PRKCZ: variants seen among roughly 807,000 people sequenced by gnomAD.
The protein encoded by PRKCZ is protein kinase C zeta, also known as protein kinase C zeta type.
Under a neutral mutation model 79.5 loss-of-function variants are expected in PRKCZ, and 33 were observed. The observed-to-expected ratio is 0.41, with a 90% confidence interval of 0.31 to 0.55. The LOEUF (loss-of-function observed/expected upper bound fraction) is 0.55, where lower values mean the gene tolerates loss of function less well. Among genes scored for constraint, PRKCZ ranks in the 20% least tolerant of loss-of-function variants. PRKCZ has a pLI of 0.19. For missense variants in PRKCZ, 578 were observed against 813.5 expected (o/e 0.71, Z 3.52); for synonymous variants, 342 against 320.9 (o/e 1.07, Z -0.70).
At chr1:2,054,813 A>G (rs148023796) in intron 1 of PRKCZ, among the ~76,000 whole-genome samples, 1,943 of 152,092 alleles carry the variant, frequency 0.013, 17 homozygotes, top group Non-Finnish European at 0.021. Context: ...AACTTGAACG[A>G]GTGCCCGACC....
At chr1:2,116,607 T>G (rs1322203181) in intron 4 of PRKCZ, among the ~76,000 whole-genome samples, 1 of 152,198 alleles carries the variant, frequency 6.6e-6, no homozygotes, top group Admixed American at 6.5e-5. Context: ...CCTGGCTGTG[T>G]GTGGGGCCTC....
intron 4 of PRKCZ, among the ~76,000 whole-genome samples, chr1:2,110,213 G>A (rs1211845138): frequency 1.4e-5 from 2 of 146,696 alleles, no homozygotes; most frequent in African/African-American, 5.1e-5. Flanking sequence ...GGCTGAATCC[G>A]GGGCCCTCCC....
At chr1:2,137,440 C>T (rs1201636635) in intron 5 of PRKCZ, among the ~76,000 whole-genome samples, 1 of 152,206 alleles carries the variant, frequency 6.6e-6, no homozygotes, top group Admixed American at 6.5e-5. Context: ...AGGCATCCTT[C>T]AACCCAGTCA....
rs987267107 is a variant in PRKCZ at position 2,057,144 on chromosome 1, A to G, written c.283+571A>G. Reference sequence around the variant, plus strand: ...CGCGGCGCATGTGGACAGAGGGGACAGCCCCACCAGCCACCTCACCTGCCC... The same window carrying G: ...CGCGGCGCATGTGGACAGAGGGGACGGCCCCACCAGCCACCTCACCTGCCC... On this transcript the variant is annotated intron_variant, in intron 3 of 17. Transcript: ENST00000378567. Among the ~76,000 whole-genome samples the G allele has an allele frequency of 2.6e-5, 4 of 152,238 alleles. No homozygotes were observed. In the South Asian group the frequency reaches 8.3e-4, roughly 31 times the overall value.
At chr1:2,138,745 G>A (rs1223034489) in intron 5 of PRKCZ, among the ~76,000 whole-genome samples, 1 of 152,138 alleles carries the variant, frequency 6.6e-6, no homozygotes, top group Admixed American at 6.5e-5. Flanking sequence ...GATCCATCTG[G>A]CCAACATGGT....
chr1:2,069,615 C>A (rs2102294303), intron 4 of PRKCZ, among the ~76,000 whole-genome samples: 1 of 152,324 alleles, frequency 6.6e-6, no homozygotes, highest in South Asian at 2.1e-4. Context: ...GTCAAGACGA[C>A]AGCCAGGGCC....
In PRKCZ at chr1:2,172,205, C is replaced by T. The variant is rs1684568267; in HGVS notation, c.1197+15C>T. ...GCATGTGCAAGGTGCGTGCCTTGGA[C>T]CGCCTCCCCTGACCATCCCGCATGT... On this transcript the variant is annotated intron_variant, in intron 12 of 17. Coordinates refer to ENST00000378567, the MANE Select transcript of PRKCZ (RefSeq NM_002744.6). This position sits in a 1 kb window ranked among gnomAD's most constrained non-coding sequence, Gnocchi z 7.8. 3.1e-6 allele frequency: 5 copies of T among 1,613,192 alleles called. No individual in the cohort carries two copies. Among genetic ancestry groups the T allele is most frequent in the Non-Finnish European group, 4.2e-6 (5 of 1,179,942 alleles).
At chr1:2,146,178 GC>G in intron 7 of PRKCZ, 70 bp downstream of exon 7, 1 of 1,447,852 alleles carries the variant, frequency 6.9e-7, no homozygotes, top group Non-Finnish European at 9.7e-7. Context: ...CTGCCTTCTA[GC>G]CACGAGTCCT....
Position 2,111,005 on chromosome 1 carries a change from C to T in PRKCZ, c.335-24257C>T, listed in dbSNP as rs7522963. ...CATCCTGAGCTCCCCCACCCTACCCCGTGCCCGCCCTGAGGGCGGGACCCA... is the reference window on the plus strand; with the variant it reads ...CATCCTGAGCTCCCCCACCCTACCCTGTGCCCGCCCTGAGGGCGGGACCCA... On this transcript the variant is annotated intron_variant, in intron 4 of 17. Coordinates refer to ENST00000378567, the MANE Select transcript of PRKCZ (RefSeq NM_002744.6). Among the ~76,000 whole-genome samples the T allele has an allele frequency of 2.9e-3, 448 of 152,292 alleles. 1 individual carries two copies. The highest frequency in any genetic ancestry group is 1.0e-2 in the African/African-American group (414 of 41,568).
intron 4 of PRKCZ, chr1:2,111,953 A>AGTGCC (rs1285166614): frequency 6.6e-6 from 1 of 152,240 alleles, no homozygotes; most frequent in Non-Finnish European, 1.5e-5. Flanking sequence ...CGGGAAGGGC[A>AGTGCC]GTGCCGTGTG....
chr1:2,082,328 T>C lies in PRKCZ; in HGVS notation c.334+22737T>C, dbSNP rs941602311. 2.2e-6 allele frequency: 1 copy of C among 454,600 alleles called. No homozygotes were observed. Among genetic ancestry groups the C allele is most frequent in the African/African-American group, 2.0e-5 (1 of 50,016 alleles). The allele number at this position is 454,600 out of a possible 1,614,324, so 28.2% of individuals were successfully genotyped here. A position where few individuals can be genotyped will look rare whatever the true frequency, so the allele number is the denominator to read the frequency against. On this transcript the variant is annotated intron_variant, in intron 4 of 17. Coordinates refer to ENST00000378567, the MANE Select transcript of PRKCZ (RefSeq NM_002744.6). This position sits in a 1 kb window ranked among gnomAD's most constrained non-coding sequence, Gnocchi z 4.4. ...CCAGAGCGGCTGTTCAAGATGGACT[T>C]GGCAAATCACCTCTTTCAAGTTGCC...
intron 5 of PRKCZ, among the ~76,000 whole-genome samples, chr1:2,138,343 T>C (rs1423190014): frequency 6.6e-6 from 1 of 152,026 alleles, no homozygotes; most frequent in Non-Finnish European, 1.5e-5. Context: ...GAAGGAAGCG[T>C]TCAGTGGGGG....
intron 1 of PRKCZ, among the ~76,000 whole-genome samples, chr1:2,053,144 T>G (rs1471601052): frequency 2.0e-5 from 3 of 151,950 alleles, no homozygotes; most frequent in African/African-American, 7.3e-5. Context: ...CTCGCTGTGT[T>G]GCCCAGGCTG....
At chr1:2,144,060 C>T (rs577649926) in intron 5 of PRKCZ, 150 bp from the exon 6 acceptor site, 3 of 1,170,956 alleles carry the variant, frequency 2.6e-6, no homozygotes, top group South Asian at 1.6e-5. Context: ...CTTGGGCAAG[C>T]CTGGCGCCCG....
chr1:2,098,110 C>CAGGTGACAAGGAGTGACTA (rs1553144638), intron 4 of PRKCZ, among the ~76,000 whole-genome samples: 4 of 151,690 alleles, frequency 2.6e-5, no homozygotes, highest in Admixed American at 1.3e-4. Context: ...AAGGTCAGAG[C>CAGGTGACAAGGAGTGACTA]AGGTGACCAG....
chr1:2,083,095 C>G (rs1161461043), intron 4 of PRKCZ, among the ~76,000 whole-genome samples: 1 of 152,308 alleles, frequency 6.6e-6, no homozygotes, highest in East Asian at 1.9e-4. Flanking sequence ...AATTTTCAAA[C>G]ACGTATCGTT....
intron 4 of PRKCZ, among the ~76,000 whole-genome samples, chr1:2,070,154 C>T (rs890244413): frequency 1.3e-5 from 2 of 152,042 alleles, no homozygotes; most frequent in Admixed American, 6.5e-5. Context: ...CCAGTGCTGG[C>T]TGCCCTGTGC....
At chr1:2,049,726 G>A, upstream of PRKCZ, 1 of 152,778 alleles carries the variant, frequency 6.5e-6, no homozygotes, top group Non-Finnish European at 1.5e-5. Flanking sequence ...GCTGGGCGGC[G>A]GTGGAGGGGC....
intron 4 of PRKCZ, among the ~76,000 whole-genome samples, chr1:2,117,558 T>C (rs147604936): frequency 7.6e-4 from 116 of 152,268 alleles, no homozygotes; most frequent in African/African-American, 2.7e-3. Context: ...ACCCTGGCAC[T>C]GTTGATCCTT....
Sources: gnomAD v4.1 joint callset for allele counts (sites outside exome capture counted in the v4.1 genomes callset) on GRCh38, gnomAD v4.1.1 for gene constraint, Gnocchi (gnomAD v3.1) non-coding constraint, MANE v1.5 for transcripts, NCBI Gene and HGNC (gene_info 2026-07-23, HGNC 2026-07-21) for gene names.